Variants in LHPP observed in about 807,000 individuals in gnomAD.
LHPP encodes the protein hLHPP.
Under a neutral mutation model 30.3 loss-of-function variants are expected in LHPP, and 24 were observed. The ratio of observed to expected loss-of-function variants is 0.79; its 90% CI spans 0.57 to 1.11. The LOEUF is 1.11. Ranked by LOEUF, LHPP falls within the 50% of genes most tolerant of loss-of-function variation. LHPP has a pLI of 0.00. For synonymous variants in LHPP, 150 were observed against 157.1 expected (o/e 0.95, Z 0.34); for missense variants, 356 against 367.2 (o/e 0.97, Z 0.25).
chr10:124,605,876 C>G (rs1021466334), intron 6 of LHPP, among the ~76,000 whole-genome samples: 1 of 151,968 alleles, frequency 6.6e-6, no homozygotes, highest in Non-Finnish European at 1.5e-5. Flanking sequence ...GAACAGGCTT[C>G]AGCAGAAGAC....
Position 124,496,735 on chromosome 10 carries a change from G to A in LHPP, c.468-226G>A, listed in dbSNP as rs1953721726. The stretch of plus-strand genomic sequence containing the variant: ...TTCTGTGCGACCTGTGGCATCCCTG[G>A]AGCTGCTGGCTGCTGCGCTCGCCCC... On this transcript the variant is annotated intron_variant, in intron 3 of 6. Transcript: ENST00000368842. The surrounding 1 kb of genome is among the most constrained non-coding windows in gnomAD (Gnocchi z 4.3). Among the ~76,000 whole-genome samples, 1 of 152,218 alleles carries A rather than the reference G, an allele frequency of 6.6e-6. No individual in the cohort carries two copies. Among genetic ancestry groups the A allele is most frequent in the South Asian group, 2.1e-4 (1 of 4,832 alleles).
intron 6 of LHPP, among the ~76,000 whole-genome samples, chr10:124,567,373 T>C (rs1948509026): frequency 6.6e-6 from 1 of 152,238 alleles, no homozygotes; most frequent in South Asian, 2.1e-4. Flanking sequence ...CATATCCCGC[T>C]CAGCCGCTGC....
chr10:124,518,969 A>T (rs1376143060), intron 6 of LHPP, among the ~76,000 whole-genome samples: 2 of 152,130 alleles, frequency 1.3e-5, no homozygotes, highest in African/African-American at 4.8e-5. Flanking sequence ...TTTGAGACAG[A>T]GTCTCCCTCT....
intron 1 of LHPP, among the ~76,000 whole-genome samples, chr10:124,469,062 G>A (rs888675560): frequency 3.3e-5 from 5 of 152,216 alleles, no homozygotes; most frequent in African/African-American, 9.7e-5. Context: ...CTGCAGCCAC[G>A]GGGGCGAGTG....
At position 124,496,728 on chromosome 10, in the gene LHPP, A is replaced by G. The variant is rs1953721623; in HGVS notation, c.468-233A>G. 6.6e-6 allele frequency among the ~76,000 whole-genome samples: 1 copy of G among 152,196 alleles called. No individual in the cohort carries two copies. Among genetic ancestry groups the G allele is most frequent in the African/African-American group, 2.4e-5 (1 of 41,438 alleles). On this transcript the variant is annotated intron_variant, in intron 3 of 6. Transcript: ENST00000368842. This position sits in a 1 kb window ranked among gnomAD's most constrained non-coding sequence, Gnocchi z 4.3. ...GGTTGCGTTCTGTGCGACCTGTGGC[A>G]TCCCTGGAGCTGCTGGCTGCTGCGC...
At chr10:124,547,275 G>A (rs1955373026) in intron 6 of LHPP, among the ~76,000 whole-genome samples, 2 of 152,150 alleles carry the variant, frequency 1.3e-5, no homozygotes, top group Non-Finnish European at 2.9e-5. Context: ...TGTTTAGACT[G>A]TTTCCCTTTT....
chr10:124,555,536 G>A (rs1216937987), intron 6 of LHPP, among the ~76,000 whole-genome samples: 1 of 151,694 alleles, frequency 6.6e-6, no homozygotes, highest in African/African-American at 2.4e-5. Context: ...CCACAGCCTG[G>A]GAAGGGTCCC....
Position 124,546,987 on chromosome 10 carries a change from T to A in LHPP, c.716+29716T>A, listed in dbSNP as rs371434323. On this transcript the variant is annotated intron_variant, in intron 6 of 6. Coordinates refer to ENST00000368842, the MANE Select transcript of LHPP (RefSeq NM_022126.4). ...GCTCTTAACCCGCCTCCCACCCAGA[T>A]TTAGCTCTGTTAACCCTTCAGGCTT... 1.4e-4 allele frequency among the ~76,000 whole-genome samples: 22 copies of A among 152,028 alleles called. No homozygotes were observed. The East Asian group carries it at 4.1e-3, about 28-fold the overall frequency.
chr10:124,471,517 TTATATATTTA>T (rs1236805034), intron 1 of LHPP, among the ~76,000 whole-genome samples: 2 of 34,198 alleles, frequency 5.8e-5, no homozygotes, highest in African/African-American at 1.9e-4. Context: ...TTATATATAT[TTATATATTTA>T]TATATATTTA....
At chr10:124,490,615 G>A (rs967797028) in intron 3 of LHPP, 5 of 215,232 alleles carry the variant, frequency 2.3e-5, no homozygotes, top group Admixed American at 5.7e-5. Flanking sequence ...GGGCTGGAAA[G>A]CATGATTTTT....
intron 6 of LHPP, among the ~76,000 whole-genome samples, chr10:124,545,082 C>T (rs1955299963): frequency 6.6e-6 from 1 of 152,136 alleles, no homozygotes; most frequent in Admixed American, 6.5e-5. Context: ...TGCCACCTCC[C>T]TGGTGCCCCC....
chr10:124,497,402 G>A (rs1475114566), intron 4 of LHPP, among the ~76,000 whole-genome samples: 2 of 152,152 alleles, frequency 1.3e-5, no homozygotes, highest in African/African-American at 2.4e-5. Context: ...GCTGACCACC[G>A]CTCTCATTCC....
At chr10:124,527,826 G>A (rs189446341) in intron 6 of LHPP, among the ~76,000 whole-genome samples, 1 of 151,920 alleles carries the variant, frequency 6.6e-6, no homozygotes, top group African/African-American at 2.4e-5. Context: ...TGTTTCCTAG[G>A]TGGGAGTGCA....
intron 1 of LHPP, among the ~76,000 whole-genome samples, chr10:124,472,590 G>A (rs947728185): frequency 2.7e-5 from 4 of 148,230 alleles, no homozygotes; most frequent in Admixed American, 6.8e-5. Context: ...ACGCAGTCTC[G>A]CTCTGTCACC....
At chr10:124,564,342 C>T (rs974954243) in intron 6 of LHPP, among the ~76,000 whole-genome samples, 1 of 152,106 alleles carries the variant, frequency 6.6e-6, no homozygotes, top group Non-Finnish European at 1.5e-5. Flanking sequence ...CCAAGATGGT[C>T]TCAATCTCCT....
chr10:124,526,203 G>C, intron 6 of LHPP: 1 of 985,390 alleles, frequency 1.0e-6, no homozygotes, highest in Non-Finnish European at 1.2e-6. Flanking sequence ...GCTCACACGT[G>C]CTCTTCTCCC....
intron 6 of LHPP, among the ~76,000 whole-genome samples, chr10:124,583,670 C>T (rs1350993843): frequency 2.6e-5 from 4 of 152,042 alleles, no homozygotes; most frequent in Admixed American, 1.3e-4. Context: ...GTAGGGGTGC[C>T]GTATACTTCT....
At chr10:124,544,897 G>A (rs1429242063) in intron 6 of LHPP, among the ~76,000 whole-genome samples, 3 of 152,192 alleles carry the variant, frequency 2.0e-5, no homozygotes, top group Non-Finnish European at 4.4e-5. Context: ...CCACTGTGGC[G>A]CGAGTGCATA....
intron 5 of LHPP, among the ~76,000 whole-genome samples, chr10:124,506,274 A>T (rs918941247): frequency 3.9e-4 from 19 of 48,390 alleles, no homozygotes; most frequent in African/African-American, 1.5e-3. Context: ...CCCCCCCCCC[A>T]CCCCGCGGTT....
Sources: allele counts gnomAD v4.1 joint callset (sites outside exome capture counted in the v4.1 genomes callset), GRCh38; gene constraint gnomAD v4.1.1; non-coding constraint Gnocchi (gnomAD v3.1); transcripts MANE v1.5; gene names NCBI Gene and HGNC (gene_info 2026-07-23, HGNC 2026-07-21).